Variants in NDUFS4 observed in about 807,000 individuals in gnomAD.
NDUFS4 encodes the protein NADH dehydrogenase [ubiquinone] iron-sulfur protein 4, mitochondrial.
A neutral mutation model predicts 24.3 loss-of-function variants in NDUFS4; 28 were observed. That is an observed-to-expected ratio of 1.15 (90% CI 0.85 to 1.58). NDUFS4 has a LOEUF of 1.58. NDUFS4 is among the 40% of genes most tolerant of loss of function. The pLI is 0.00. For synonymous variants in NDUFS4, 93 were observed against 69.7 expected (o/e 1.34, Z -1.67); for missense variants, 223 against 207.9 (o/e 1.07, Z -0.45).
intron 4 of NDUFS4, among the ~76,000 whole-genome samples, chr5:53,675,192 C>A (rs181201235): frequency 2.4e-5 from 3 of 125,534 alleles, no homozygotes; most frequent in Admixed American, 8.7e-5. Context: ...GGCGGAGTCT[C>A]ACTCTGTCAC....
At chr5:53,585,979 TAAA>T (rs1749740025) in intron 1 of NDUFS4, among the ~76,000 whole-genome samples, 1 of 152,166 alleles carries the variant, frequency 6.6e-6, no homozygotes, top group Non-Finnish European at 1.5e-5. Flanking sequence ...AATTGTATTT[TAAA>T]ATGGCATTGC....
At chr5:53,619,333 GTGTGGTGGCGGGTGCT>G (rs1266470821) in intron 2 of NDUFS4, among the ~76,000 whole-genome samples, 5 of 148,260 alleles carry the variant, frequency 3.4e-5, no homozygotes, top group South Asian at 2.1e-4. Flanking sequence ...AATTAGCCGG[GTGTGGTGGCGGGTGCT>G]TGTGGTGGCG....
intron 1 of NDUFS4, among the ~76,000 whole-genome samples, chr5:53,572,904 A>T (rs1158368937): frequency 1.3e-5 from 2 of 150,438 alleles, no homozygotes. Flanking sequence ...TTGGCCTCCC[A>T]AAGTGCTGGG....
intron 2 of NDUFS4, among the ~76,000 whole-genome samples, chr5:53,606,822 ACAAATATG>A (rs1329297079): frequency 6.6e-6 from 1 of 152,232 alleles, no homozygotes; most frequent in Non-Finnish European, 1.5e-5. Context: ...TTGGGCAGGG[ACAAATATG>A]CAAACTGTAT....
intron 1 of NDUFS4, among the ~76,000 whole-genome samples, chr5:53,576,712 A>C (rs1259111025): frequency 6.6e-6 from 1 of 152,216 alleles, no homozygotes; most frequent in African/African-American, 2.4e-5. Context: ...AGTGAGATGT[A>C]ATAAAAGCTG....
intron 3 of NDUFS4, among the ~76,000 whole-genome samples, chr5:53,652,881 C>G (rs765047096): frequency 8.6e-5 from 13 of 151,338 alleles, no homozygotes; most frequent in Non-Finnish European, 1.3e-4. Flanking sequence ...GACAGCATGA[C>G]TTATCCTTGT....
intron 2 of NDUFS4, among the ~76,000 whole-genome samples, chr5:53,619,889 G>A (rs769906425): frequency 7.2e-5 from 11 of 152,104 alleles, no homozygotes; most frequent in Admixed American, 2.0e-4. Flanking sequence ...TGTACTGCAG[G>A]TTGTTTACAA....
intron 3 of NDUFS4, among the ~76,000 whole-genome samples, chr5:53,656,807 G>C (rs1452803592): frequency 6.6e-6 from 1 of 152,076 alleles, no homozygotes; most frequent in East Asian, 1.9e-4. Context: ...AGGGTGGATT[G>C]GAGTCAAGGA....
intron 4 of NDUFS4, among the ~76,000 whole-genome samples, chr5:53,669,275 T>C (rs1425201957): frequency 6.6e-6 from 1 of 152,132 alleles, no homozygotes; most frequent in Non-Finnish European, 1.5e-5. Context: ...AACTGATAAT[T>C]CAAAGTTCTT....
At chr5:53,613,568 T>C (rs1750759937) in intron 2 of NDUFS4, among the ~76,000 whole-genome samples, 1 of 151,682 alleles carries the variant, frequency 6.6e-6, no homozygotes, top group Non-Finnish European at 1.5e-5. Context: ...TATAAATGTT[T>C]GTTGCAATAA....
chr5:53,621,581 C>A (rs1751032917), intron 2 of NDUFS4, among the ~76,000 whole-genome samples: 1 of 151,040 alleles, frequency 6.6e-6, no homozygotes, highest in South Asian at 2.1e-4. Context: ...TGTATTACTT[C>A]ATATGTAACA....
intron 4 of NDUFS4, among the ~76,000 whole-genome samples, chr5:53,680,292 C>T (rs538871469): frequency 3.0e-4 from 45 of 152,230 alleles, no homozygotes; most frequent in Admixed American, 7.9e-4. Flanking sequence ...GGCGATTCCT[C>T]AGGGATCTAG....
At chr5:53,631,983 A>G (rs381374) in intron 2 of NDUFS4, among the ~76,000 whole-genome samples, 118,917 of 152,052 alleles carry the variant, frequency 0.78, 46,657 homozygotes, top group African/African-American at 0.83. Flanking sequence ...GACCCCTTGC[A>G]CTTCCCTGGT....
intron 2 of NDUFS4, among the ~76,000 whole-genome samples, chr5:53,616,111 G>A (rs1750830014): frequency 6.6e-6 from 1 of 151,728 alleles, no homozygotes; most frequent in Non-Finnish European, 1.5e-5. Flanking sequence ...AGATCTAGTA[G>A]TTTTCATCTA....
chr5:53,631,706 A>G (rs528125780), intron 2 of NDUFS4, among the ~76,000 whole-genome samples: 8 of 152,268 alleles, frequency 5.3e-5, no homozygotes, highest in African/African-American at 1.9e-4. Context: ...AAGCCTCAGC[A>G]ATGGCGGACT....
At chr5:53,629,575 C>T (rs1751341716) in intron 2 of NDUFS4, among the ~76,000 whole-genome samples, 1 of 152,166 alleles carries the variant, frequency 6.6e-6, no homozygotes, top group Non-Finnish European at 1.5e-5. Flanking sequence ...GTATTGTGTG[C>T]ATATACGTTT....
intron 4 of NDUFS4, among the ~76,000 whole-genome samples, chr5:53,681,410 C>T (rs1394650625): frequency 6.6e-6 from 1 of 152,160 alleles, no homozygotes; most frequent in East Asian, 1.9e-4. Flanking sequence ...AAGCACTTTA[C>T]ATGAATTATC....
chr5:53,599,334 A>G (rs1750238658), intron 1 of NDUFS4, among the ~76,000 whole-genome samples: 1 of 152,132 alleles, frequency 6.6e-6, no homozygotes, highest in Non-Finnish European at 1.5e-5. Context: ...ACTTTTTGAG[A>G]AACTGCCATA....
chr5:53,660,681 T>C (rs1752311747), intron 4 of NDUFS4, among the ~76,000 whole-genome samples: 1 of 152,192 alleles, frequency 6.6e-6, no homozygotes, highest in African/African-American at 2.4e-5. Context: ...GACTTTTTAA[T>C]GATCGCCGTT....
Sources: gnomAD v4.1 joint callset for allele counts (sites outside exome capture counted in the v4.1 genomes callset) on GRCh38, gnomAD v4.1.1 for gene constraint, MANE v1.5 for transcripts, NCBI Gene and HGNC (gene_info 2026-07-23, HGNC 2026-07-21) for gene names.